The following PACRG variants were observed in gnomAD, a reference collection of about 807,000 sequenced individuals.
PACRG encodes parkin coregulated gene protein.
A neutral mutation model predicts 29.7 loss-of-function variants in PACRG; 29 were observed. The ratio of observed to expected loss-of-function variants is 0.98; its 90% CI spans 0.73 to 1.33. The LOEUF is 1.33. PACRG is among the 40% of genes most tolerant of loss of function. The pLI is 0.00. For missense variants in PACRG, 279 were observed against 316.2 expected (o/e 0.88, Z 0.89); for synonymous variants, 116 against 118.7 (o/e 0.98, Z 0.15).
intron 1 of PACRG, among the ~76,000 whole-genome samples, chr6:162,792,984 G>A (rs756137326): frequency 5.3e-5 from 8 of 152,174 alleles, no homozygotes; most frequent in Non-Finnish European, 1.0e-4. Context: ...CATGAGTATA[G>A]GAGGAACAGT....
intron 2 of PACRG, among the ~76,000 whole-genome samples, chr6:162,894,861 A>G (rs2128046527): frequency 6.6e-6 from 1 of 152,298 alleles, no homozygotes; most frequent in East Asian, 1.9e-4. Flanking sequence ...GAAATTTGTC[A>G]TGATTCTTGT....
chr6:163,068,831 A>G lies in PACRG; in HGVS notation c.463+6510A>G, dbSNP rs1238928517. On this transcript the variant is annotated intron_variant, in intron 3 of 4. Coordinates refer to ENST00000366888, the MANE Select transcript of PACRG (RefSeq NM_001080379.2). ...TTGGTTCTTTTATGTTTATTCTCTTATCTCTCTGTGAATATTTATTATAGA... is the reference window on the plus strand; with the variant it reads ...TTGGTTCTTTTATGTTTATTCTCTTGTCTCTCTGTGAATATTTATTATAGA... Among the ~76,000 whole-genome samples the G allele has an allele frequency of 2.0e-5, 3 of 149,868 alleles. No homozygotes were observed. In the South Asian group the frequency reaches 6.4e-4, roughly 32 times the overall value.
At chr6:162,729,358 C>T (rs1779563369) in intron 1 of PACRG, among the ~76,000 whole-genome samples, 1 of 152,088 alleles carries the variant, frequency 6.6e-6, no homozygotes, top group Non-Finnish European at 1.5e-5. Context: ...ACATTATTTC[C>T]TTTGCTTATA....
intron 4 of PACRG, among the ~76,000 whole-genome samples, chr6:163,311,563 C>T (rs1785415932): frequency 6.6e-6 from 1 of 152,210 alleles, no homozygotes; most frequent in African/African-American, 2.4e-5. Context: ...CCTCATGATT[C>T]ACCTGCTTCT....
intron 2 of PACRG, among the ~76,000 whole-genome samples, chr6:162,874,269 A>G (rs1323408198): frequency 1.3e-5 from 2 of 151,834 alleles, no homozygotes; most frequent in East Asian, 3.9e-4. Flanking sequence ...AAGAACTTTT[A>G]TTAATAAGAC....
intron 3 of PACRG, among the ~76,000 whole-genome samples, chr6:163,064,108 C>T (rs1306052222): frequency 6.7e-6 from 1 of 150,150 alleles, no homozygotes; most frequent in Non-Finnish European, 1.5e-5. Context: ...TAAATCAATG[C>T]TTCATGTTGG....
intron 2 of PACRG, among the ~76,000 whole-genome samples, chr6:163,034,626 G>A (rs949284982): frequency 9.9e-5 from 15 of 152,214 alleles, no homozygotes; most frequent in African/African-American, 2.6e-4. Context: ...CCTGAAGGCC[G>A]CCAATCAGTG....
At chr6:163,067,927 A>G (rs1811698506) in intron 3 of PACRG, among the ~76,000 whole-genome samples, 1 of 152,182 alleles carries the variant, frequency 6.6e-6, no homozygotes. Context: ...TATACTTCCT[A>G]ATTTTCTTCA....
At chr6:163,054,837 C>T (rs775031227) in intron 2 of PACRG, among the ~76,000 whole-genome samples, 10 of 152,074 alleles carry the variant, frequency 6.6e-5, no homozygotes, top group Non-Finnish European at 1.5e-4. Context: ...CTGTGTGGCT[C>T]CTCCCAGTGG....
At chr6:162,730,729 C>T (rs927821217) in intron 1 of PACRG, among the ~76,000 whole-genome samples, 2 of 152,040 alleles carry the variant, frequency 1.3e-5, no homozygotes, top group African/African-American at 2.4e-5. Flanking sequence ...AGAAACTAGA[C>T]TTTCTTTCCA....
intron 4 of PACRG, among the ~76,000 whole-genome samples, chr6:163,094,564 C>T (rs1814401314): frequency 6.6e-6 from 1 of 152,106 alleles, no homozygotes; most frequent in Non-Finnish European, 1.5e-5. Context: ...CTCCAATTTA[C>T]CAAACTAATC....
At chr6:163,038,162 G>A (rs1202118218) in intron 2 of PACRG, among the ~76,000 whole-genome samples, 1 of 152,146 alleles carries the variant, frequency 6.6e-6, no homozygotes, top group African/African-American at 2.4e-5. Context: ...GCAGAGGCTG[G>A]GGCAGGATTT....
At chr6:163,118,913 A>C (rs555884160) in intron 4 of PACRG, among the ~76,000 whole-genome samples, 7 of 152,214 alleles carry the variant, frequency 4.6e-5, no homozygotes, top group African/African-American at 1.7e-4. Context: ...AAACTCTGAA[A>C]ACAGAACACA....
At chr6:163,208,614 C>T (rs1781007037) in intron 4 of PACRG, among the ~76,000 whole-genome samples, 1 of 152,154 alleles carries the variant, frequency 6.6e-6, no homozygotes, top group African/African-American at 2.4e-5. Flanking sequence ...TTTGGTATCA[C>T]TTCCTAGGAT....
intron 4 of PACRG, among the ~76,000 whole-genome samples, chr6:163,095,678 G>A (rs510791): frequency 0.25 from 37,450 of 151,840 alleles, 5,146 homozygotes; most frequent in East Asian, 0.51. Flanking sequence ...CCATCTTCAT[G>A]TGGCCTTTTT....
intron 2 of PACRG, among the ~76,000 whole-genome samples, chr6:162,960,230 A>G (rs942029906): frequency 1.3e-5 from 2 of 152,252 alleles, no homozygotes; most frequent in African/African-American, 4.8e-5. Flanking sequence ...CAGAGCTACC[A>G]TTTGACCCAA....
At chr6:162,950,249 G>T (rs1799544699) in intron 2 of PACRG, among the ~76,000 whole-genome samples, 1 of 152,098 alleles carries the variant, frequency 6.6e-6, no homozygotes, top group Admixed American at 6.5e-5. Flanking sequence ...TATAATCCCA[G>T]CACTTTGGGA....
chr6:163,199,343 C>T (rs901795276), intron 4 of PACRG, among the ~76,000 whole-genome samples: 7 of 152,202 alleles, frequency 4.6e-5, no homozygotes, highest in Non-Finnish European at 7.3e-5. Flanking sequence ...TCCACTTTCA[C>T]CAGAGGGCCT....
At chr6:163,210,491 A>C (rs1035400436) in intron 4 of PACRG, among the ~76,000 whole-genome samples, 1 of 152,242 alleles carries the variant, frequency 6.6e-6, no homozygotes, top group African/African-American at 2.4e-5. Flanking sequence ...CCATGGCCTT[A>C]GAAGGTGGAG....
Sources: gnomAD v4.1 joint callset for allele counts (sites outside exome capture counted in the v4.1 genomes callset) on GRCh38, gnomAD v4.1.1 for gene constraint, MANE v1.5 for transcripts, NCBI Gene and HGNC (gene_info 2026-07-23, HGNC 2026-07-21) for gene names.